The following SLC14A2 variants were observed in gnomAD, a reference collection of about 807,000 sequenced individuals.
SLC14A2 encodes the protein solute carrier family 14 member 2, also known as urea transporter 2.
In SLC14A2, 91 loss-of-function variants were observed where a neutral mutation model predicts 104.6. That is an observed-to-expected ratio of 0.87 (90% CI 0.73 to 1.04). The LOEUF (loss-of-function observed/expected upper bound fraction) is 1.04. Ranked by LOEUF, SLC14A2 falls within the 50% of genes least tolerant of loss-of-function variation. The pLI is 0.00. For missense variants in SLC14A2, 1,189 were observed against 1,156.0 expected, an observed-to-expected ratio of 1.03 and a Z score of -0.41; for synonymous variants, 476 against 466.4, an observed-to-expected ratio of 1.02 and a Z score of -0.27.
chr18:45,279,125 C>G (rs534612420), intron 1 of SLC14A2, among the ~76,000 whole-genome samples: 4 of 152,208 alleles, frequency 2.6e-5, no homozygotes, highest in African/African-American at 7.2e-5. Context: ...TCAGCTCCCC[C>G]TCAGCAGACA....
At chr18:45,513,799 C>T (rs1183126548) in intron 2 of SLC14A2, among the ~76,000 whole-genome samples, 1 of 152,168 alleles carries the variant, frequency 6.6e-6, no homozygotes, top group East Asian at 1.9e-4. Context: ...TTCATTCTTA[C>T]TGTACCGACT....
At chr18:45,316,870 G>T (rs2085134584) in intron 1 of SLC14A2, among the ~76,000 whole-genome samples, 2 of 152,166 alleles carry the variant, frequency 1.3e-5, no homozygotes, top group Admixed American at 1.3e-4. Flanking sequence ...TAATCTCTGT[G>T]CTCTCCTCCC....
the SLC14A2 span, among the ~76,000 whole-genome samples, chr18:45,194,627 G>A: frequency 6.7e-6 from 1 of 149,826 alleles, no homozygotes; most frequent in African/African-American, 2.5e-5. Context: ...ATCTCTATGA[G>A]GGATATTGGT....
intron 1 of SLC14A2, among the ~76,000 whole-genome samples, chr18:45,394,717 T>A (rs1343033540): frequency 1.3e-5 from 2 of 152,118 alleles, no homozygotes; most frequent in Admixed American, 6.5e-5. Context: ...TTTTTGTTGT[T>A]GTTGTTGAGT....
At chr18:45,576,505 G>A (rs1306214397) in intron 2 of SLC14A2, among the ~76,000 whole-genome samples, 2 of 151,770 alleles carry the variant, frequency 1.3e-5, no homozygotes, top group Admixed American at 6.6e-5. Flanking sequence ...GGCTGGTCTC[G>A]AACTCCTGAC....
chr18:45,478,096 C>T (rs1175026649), intron 1 of SLC14A2, among the ~76,000 whole-genome samples: 1 of 152,208 alleles, frequency 6.6e-6, no homozygotes. Flanking sequence ...GTGCTTGAAA[C>T]CCAGGGCCCC....
At chr18:45,397,182 T>C (rs535179200) in intron 1 of SLC14A2, among the ~76,000 whole-genome samples, 199 of 152,298 alleles carry the variant, frequency 1.3e-3, no homozygotes, top group African/African-American at 4.5e-3. Flanking sequence ...ATATACCCAG[T>C]AGTGAGATTG....
upstream of SLC14A2, among the ~76,000 whole-genome samples, chr18:45,611,935 A>G (rs1359973191): frequency 6.6e-6 from 1 of 152,246 alleles, no homozygotes; most frequent in African/African-American, 2.4e-5. Flanking sequence ...CAAACAGTAC[A>G]GAATTTGTAA....
At chr18:45,578,168 A>G (rs753895945) in intron 2 of SLC14A2, among the ~76,000 whole-genome samples, 24 of 152,048 alleles carry the variant, frequency 1.6e-4, no homozygotes, top group Non-Finnish European at 3.4e-4. Flanking sequence ...TTTGGAGTTC[A>G]CTTTCTCCAG....
At chr18:45,283,920 A>G (rs558631066) in intron 1 of SLC14A2, among the ~76,000 whole-genome samples, 7 of 152,330 alleles carry the variant, frequency 4.6e-5, no homozygotes, top group African/African-American at 1.7e-4. Flanking sequence ...GTGTGCTTTA[A>G]GTGTAAAACA....
At chr18:45,559,025 G>A (rs2044169840) in intron 2 of SLC14A2, among the ~76,000 whole-genome samples, 3 of 151,948 alleles carry the variant, frequency 2.0e-5, no homozygotes, top group Admixed American at 6.6e-5. Flanking sequence ...TCCTGGCCTC[G>A]TGGTCCGCCC....
intron 2 of SLC14A2, among the ~76,000 whole-genome samples, chr18:45,508,194 A>G (rs190646059): frequency 6.6e-6 from 1 of 152,298 alleles, no homozygotes; most frequent in African/African-American, 2.4e-5. Context: ...TTTACAGGCT[A>G]GTCTTCACTT....
At chr18:45,178,696 C>G in the SLC14A2 span, among the ~76,000 whole-genome samples, 2 of 152,266 alleles carry the variant, frequency 1.3e-5, no homozygotes, top group East Asian at 3.9e-4. Flanking sequence ...CACATAATTA[C>G]TGCTGCATGG....
At chr18:45,365,933 C>G (rs1327965515) in intron 1 of SLC14A2, among the ~76,000 whole-genome samples, 1 of 151,138 alleles carries the variant, frequency 6.6e-6, no homozygotes, top group East Asian at 1.9e-4. Flanking sequence ...AGGGTTGCAG[C>G]TGGGGCTAGA....
intron 2 of SLC14A2, among the ~76,000 whole-genome samples, chr18:45,605,545 G>A (rs2044854889): frequency 6.6e-6 from 1 of 152,188 alleles, no homozygotes; most frequent in Non-Finnish European, 1.5e-5. Flanking sequence ...AAGAAGAATG[G>A]ACTGTGGAGG....
At chr18:45,623,919 G>C (rs1414578338) in intron 1 of SLC14A2, among the ~76,000 whole-genome samples, 1 of 152,186 alleles carries the variant, frequency 6.6e-6, no homozygotes, top group African/African-American at 2.4e-5. Context: ...TGTATGGGAA[G>C]GAGAGAGTAC....
chr18:45,481,485 A>G (rs2087491976), intron 1 of SLC14A2, among the ~76,000 whole-genome samples: 1 of 152,134 alleles, frequency 6.6e-6, no homozygotes, highest in African/African-American at 2.4e-5. Context: ...GCTTAAACCA[A>G]CCGCAGAGTT....
chr18:45,309,956 T>C (rs1298233030), intron 1 of SLC14A2, among the ~76,000 whole-genome samples: 1 of 151,862 alleles, frequency 6.6e-6, no homozygotes, highest in Non-Finnish European at 1.5e-5. Flanking sequence ...TTTTATTAAA[T>C]TTCATAGCTG....
intron 2 of SLC14A2, among the ~76,000 whole-genome samples, chr18:45,585,670 G>A (rs1408940357): frequency 6.6e-6 from 1 of 152,166 alleles, no homozygotes; most frequent in African/African-American, 2.4e-5. Context: ...CTAACAGGGT[G>A]GCTTCCTTTG....
Sources: allele counts gnomAD v4.1 joint callset (sites outside exome capture counted in the v4.1 genomes callset), GRCh38; gene constraint gnomAD v4.1.1; transcripts MANE v1.5; gene names NCBI Gene and HGNC (gene_info 2026-07-23, HGNC 2026-07-21).